TXNDC16: variants seen among roughly 807,000 people sequenced by gnomAD.
TXNDC16 encodes thioredoxin domain containing 16.
TXNDC16 carries 74 observed loss-of-function variants against 85.6 expected under a neutral mutation model. The observed-to-expected ratio is 0.86, with a 90% CI of 0.72 to 1.05. The LOEUF (loss-of-function observed/expected upper bound fraction) is 1.05. TXNDC16 is among the 50% of genes least tolerant of loss of function. The probability of loss-of-function intolerance (pLI) is 0.00; values close to 1 mark genes in which losing one functional copy is unlikely to be tolerated. For missense variants in TXNDC16, 959 were observed against 947.0 expected (o/e 1.01, Z -0.17); for synonymous variants, 335 against 326.5 (o/e 1.03, Z -0.28).
At position 52,534,760 on chromosome 14, in the gene TXNDC16, G is replaced by T. The variant is rs144648285; in HGVS notation, c.392+1959C>A. Among the ~76,000 whole-genome samples the T allele has an allele frequency of 9.5e-3, 1,446 of 152,194 alleles. 17 individuals are homozygous for T. Among genetic ancestry groups the T allele is most frequent in the Non-Finnish European group, 0.01 (708 of 68,018 alleles). ...AATAATATTTTCTGTTTATCTGTCT[G>T]TGCAACACTAAATTCCTACAGAACA... On this transcript the variant is annotated intron_variant, in intron 6 of 20. Coordinates refer to ENST00000281741, the MANE Select transcript of TXNDC16 (RefSeq NM_020784.3).
intron 4 of TXNDC16, among the ~76,000 whole-genome samples, chr14:52,541,462 T>TA (rs1276864142): frequency 6.6e-6 from 1 of 152,208 alleles, no homozygotes; most frequent in East Asian, 1.9e-4. Flanking sequence ...TGATTGCCAT[T>TA]ATCATTCTAG....
intron 2 of TXNDC16, 138 bp from the exon 3 acceptor site, chr14:52,543,768 A>AG (rs1180349534): frequency 4.0e-6 from 2 of 494,434 alleles, no homozygotes; most frequent in Non-Finnish European, 7.1e-6. Flanking sequence ...TAAAAATTTG[A>AG]GGGGGGACAA....
At chr14:52,486,759 A>T (rs889637825) in intron 12 of TXNDC16, among the ~76,000 whole-genome samples, 1 of 152,188 alleles carries the variant, frequency 6.6e-6, no homozygotes, top group Non-Finnish European at 1.5e-5. Context: ...GGAAGTTAAG[A>T]TGAAAAATAA....
At chr14:52,432,655 A>T in intron 20 of TXNDC16, 68 bp from the exon 21 acceptor site, 1 of 1,343,112 alleles carries the variant, frequency 7.4e-7, no homozygotes. Flanking sequence ...CATATTAGAA[A>T]ATGTTTTATT....
chr14:52,530,322 AT>A (rs1362781036), intron 6 of TXNDC16, among the ~76,000 whole-genome samples: 2 of 45,676 alleles, frequency 4.4e-5, no homozygotes, highest in Non-Finnish European at 7.1e-5. Flanking sequence ...ATATATAATT[AT>A]TTTTATATTA....
chr14:52,496,646 G>T (rs77602536), intron 9 of TXNDC16, among the ~76,000 whole-genome samples: 20,411 of 139,756 alleles, frequency 0.15, 1,461 homozygotes, highest in Non-Finnish European at 0.16. Flanking sequence ...TCACTCTGTT[G>T]CCTGGCTGGA....
chr14:52,496,183 C>T (rs371073884), intron 9 of TXNDC16, among the ~76,000 whole-genome samples: 1 of 151,596 alleles, frequency 6.6e-6, no homozygotes, highest in Non-Finnish European at 1.5e-5. Context: ...AGAGACAGAT[C>T]ATTTTCCCCA....
At chr14:52,461,757 T>C (rs776396530) in intron 16 of TXNDC16, among the ~76,000 whole-genome samples, 3 of 152,196 alleles carry the variant, frequency 2.0e-5, no homozygotes, top group Admixed American at 6.5e-5. Flanking sequence ...GGCCTAAGCA[T>C]TGACGACATG....
At chr14:52,484,167 T>G (rs1463253507) in intron 12 of TXNDC16, among the ~76,000 whole-genome samples, 1 of 144,524 alleles carries the variant, frequency 6.9e-6, no homozygotes, top group African/African-American at 2.5e-5. Context: ...ATAGATGAAA[T>G]TACATGTTTT....
At chr14:52,496,019 G>A (rs1355609641) in intron 9 of TXNDC16, among the ~76,000 whole-genome samples, 3 of 152,018 alleles carry the variant, frequency 2.0e-5, no homozygotes, top group South Asian at 4.1e-4. Context: ...AATTAGCCGG[G>A]TGTGGTGGTG....
At chr14:52,476,534 G>A (rs1386040376) in intron 14 of TXNDC16, among the ~76,000 whole-genome samples, 5 of 151,974 alleles carry the variant, frequency 3.3e-5, no homozygotes, top group African/African-American at 1.2e-4. Context: ...TTATAGAAAT[G>A]CAAAATGCTC....
intron 6 of TXNDC16, among the ~76,000 whole-genome samples, chr14:52,530,244 T>TATATTATATA (rs1566581765): frequency 1.1e-3 from 56 of 52,806 alleles, no homozygotes; most frequent in African/African-American, 4.8e-3. Context: ...TATAATAATA[T>TATATTATATA]ATAATATATA....
intron 18 of TXNDC16, among the ~76,000 whole-genome samples, chr14:52,441,143 T>C (rs976402061): frequency 6.6e-6 from 1 of 152,190 alleles, no homozygotes; most frequent in Non-Finnish European, 1.5e-5. Context: ...CATTACTTAA[T>C]AAATATAAAA....
In TXNDC16 at chr14:52,432,160, A is replaced by T; in HGVS notation, c.*144T>A. 1.4e-6 allele frequency: 1 copy of T among 701,012 alleles called. No individual in the cohort carries two copies. Among genetic ancestry groups the T allele is most frequent in the Non-Finnish European group, 2.1e-6 (1 of 480,258 alleles). The allele number at this position is 701,012 out of a possible 1,614,324, so 43.4% of individuals were successfully genotyped here. On this transcript the variant is annotated 3_prime_UTR_variant, in exon 21 of 21. Transcript: ENST00000281741. ...CTTTGTTTAATGTAGTTACTAGAAAATTTTAAATAAAATATGTGACTTATA... is the reference window on the plus strand; with the variant it reads ...CTTTGTTTAATGTAGTTACTAGAAATTTTTAAATAAAATATGTGACTTATA...
intron 6 of TXNDC16, among the ~76,000 whole-genome samples, chr14:52,526,091 A>G (rs1430823778): frequency 2.6e-5 from 4 of 152,136 alleles, no homozygotes; most frequent in Non-Finnish European, 5.9e-5. Context: ...ATGGAGGGCC[A>G]ACTGTATTAC....
intron 18 of TXNDC16, among the ~76,000 whole-genome samples, chr14:52,453,154 A>G (rs904050640): frequency 3.3e-5 from 5 of 152,190 alleles, no homozygotes; most frequent in Non-Finnish European, 5.9e-5. Flanking sequence ...TCCAGTTAAA[A>G]TGGCTTTTAT....
intron 17 of TXNDC16, 92 bp downstream of exon 17, chr14:52,456,998 C>A: frequency 2.3e-6 from 2 of 881,454 alleles, no homozygotes; most frequent in South Asian, 1.6e-5. Flanking sequence ...ACCTTATTTT[C>A]CTCCATCAGC....
At chr14:52,496,426 T>C (rs200053487) in intron 9 of TXNDC16, among the ~76,000 whole-genome samples, 14,444 of 150,984 alleles carry the variant, frequency 0.096, 810 homozygotes, top group East Asian at 0.17. Flanking sequence ...GTCTTTTTTT[T>C]TTTTTTTTTT....
chr14:52,457,863 C>T (rs963663483), intron 16 of TXNDC16, among the ~76,000 whole-genome samples: 10 of 152,144 alleles, frequency 6.6e-5, no homozygotes, highest in Non-Finnish European at 1.0e-4. Context: ...TAATGACTAT[C>T]CTATAACCAA....
Sources: gnomAD v4.1 joint callset for allele counts (sites outside exome capture counted in the v4.1 genomes callset) on GRCh38, gnomAD v4.1.1 for gene constraint, MANE v1.5 for transcripts, NCBI Gene and HGNC (gene_info 2026-07-23, HGNC 2026-07-21) for gene names.